TBL1Y: variants seen among roughly 807,000 people sequenced by gnomAD.
TBL1Y encodes transducin beta like 1 Y-linked, also known as F-box-like/WD repeat-containing protein TBL1Y.
Under a neutral mutation model 12.0 loss-of-function variants are expected in TBL1Y, and 15 were observed. The ratio of observed to expected loss-of-function variants is 1.25; its 90% CI spans 0.83 to 1.92. The LOEUF (loss-of-function observed/expected upper bound fraction) is 1.92, where lower values mean the gene tolerates loss of function less well. Among genes scored for constraint, TBL1Y ranks in the 40% most tolerant of loss-of-function variants. TBL1Y has a pLI of 0.00. For missense variants in TBL1Y, 148 were observed against 116.7 expected (o/e 1.27, Z -1.24); for synonymous variants, 53 against 42.6 (o/e 1.24, Z -0.95).
intron 3 of TBL1Y, among the ~76,000 whole-genome samples, chrY:6,991,549 C>A (rs2012363603): frequency 3.0e-5 from 1 of 32,994 alleles, no homozygotes; most frequent in South Asian, 7.1e-4. Context: ...TGAGTGGCAT[C>A]CTTAGAAAAG....
chrY:6,977,409 G>T, intron 2 of TBL1Y, among the ~76,000 whole-genome samples: 4 of 33,041 alleles, frequency 1.2e-4, no homozygotes, highest in African/African-American at 4.8e-4. Flanking sequence ...TTACCAATGT[G>T]GGCAATGTAG....
At chrY:6,972,733 G>A in intron 2 of TBL1Y, among the ~76,000 whole-genome samples, 3 of 33,139 alleles carry the variant, frequency 9.1e-5, no homozygotes, top group South Asian at 1.4e-3. Context: ...CAGCCCTTGT[G>A]GTCTGTCTCC....
chrY:7,058,282 T>A (rs2012836844), intron 7 of TBL1Y, among the ~76,000 whole-genome samples: 1 of 33,512 alleles, frequency 3.0e-5, no homozygotes, highest in Non-Finnish European at 7.4e-5. Flanking sequence ...ATTGGTAAAC[T>A]CTTGAAAATT....
intron 2 of TBL1Y, among the ~76,000 whole-genome samples, chrY:6,921,186 G>T (rs2011775097): frequency 3.1e-5 from 1 of 32,694 alleles, no homozygotes; most frequent in African/African-American, 1.2e-4. Flanking sequence ...GGGTGGTTGT[G>T]GTCAGCTGCT....
chrY:6,924,932 A>G, intron 2 of TBL1Y, among the ~76,000 whole-genome samples: 1 of 34,405 alleles, frequency 2.9e-5, no homozygotes, highest in Admixed American at 2.6e-4. Context: ...GAAAATGGCA[A>G]TTGCCAAGTT....
At chrY:7,050,464 A>G in intron 7 of TBL1Y, among the ~76,000 whole-genome samples, 1 of 19,232 alleles carries the variant, frequency 5.2e-5, no homozygotes, top group Non-Finnish European at 1.1e-4. Flanking sequence ...CACTACACTC[A>G]GCCTGGGCAA....
chrY:6,935,850 T>A, intron 2 of TBL1Y, among the ~76,000 whole-genome samples: 1 of 33,316 alleles, frequency 3.0e-5, no homozygotes, highest in African/African-American at 1.2e-4. Flanking sequence ...GTGCCATGAT[T>A]GTGCCACTGC....
At chrY:6,911,095 A>G in intron 1 of TBL1Y, 113 bp downstream of exon 1, 1 of 36,191 alleles carries the variant, frequency 2.8e-5, no homozygotes, top group Non-Finnish European at 6.8e-5. Context: ...TCCGCTCGCC[A>G]CGAACTCCTG....
At chrY:7,041,308 A>G (rs770808691) in intron 6 of TBL1Y, among the ~76,000 whole-genome samples, 2 of 33,854 alleles carry the variant, frequency 5.9e-5, no homozygotes, top group Non-Finnish European at 1.5e-4. Flanking sequence ...CATGAGAGTC[A>G]TGATGTCTAT....
chrY:6,981,033 T>C (rs2012278583), intron 3 of TBL1Y, among the ~76,000 whole-genome samples: 1 of 33,610 alleles, frequency 3.0e-5, no homozygotes, highest in Non-Finnish European at 7.3e-5. Flanking sequence ...AGAGGAACAA[T>C]TCAGACATTT....
chrY:6,939,930 G>A, intron 2 of TBL1Y, among the ~76,000 whole-genome samples: 1 of 29,069 alleles, frequency 3.4e-5, no homozygotes, highest in Admixed American at 3.3e-4. Flanking sequence ...TGCCTGCCTC[G>A]GCCTCCTGTG....
At chrY:6,987,312 T>C (rs2012327636) in intron 3 of TBL1Y, among the ~76,000 whole-genome samples, 1 of 30,772 alleles carries the variant, frequency 3.2e-5, no homozygotes, top group Non-Finnish European at 7.9e-5. Context: ...TTTTTTTTTT[T>C]TCTCTTTGAG....
rs776623238 is a variant in TBL1Y, at chrY:7,007,216, T to G, written c.-140+11318T>G. Among the ~76,000 whole-genome samples, 21 of 33,765 alleles carry G rather than the reference T, an allele frequency of 6.2e-4. No individual in the cohort carries two copies. The East Asian group carries it at 0.016, about 26-fold the overall frequency. The allele number at this position is 33,765 out of a possible 37,273, so 90.6% of individuals were successfully genotyped here. ...TTACTTTTGAGAACCAAGTAATCTG[T>G]TTCCATTTAAGAAGGCTACAGATAA... is the stretch of plus-strand genomic sequence containing the variant. On this transcript the variant is annotated intron_variant, in intron 4 of 18. Transcript: ENST00000383032.
At chrY:6,960,126 A>G (rs2012112478) in intron 2 of TBL1Y, among the ~76,000 whole-genome samples, 6 of 33,393 alleles carry the variant, frequency 1.8e-4, no homozygotes, top group Admixed American at 1.6e-3. Flanking sequence ...ATATGTCCAG[A>G]TGGAGAAGCC....
intron 7 of TBL1Y, among the ~76,000 whole-genome samples, chrY:7,062,782 A>C (rs998639693): frequency 1.2e-4 from 4 of 33,252 alleles, no homozygotes; most frequent in African/African-American, 4.8e-4. Context: ...CTTTTCTACT[A>C]CTGGAAGTTT....
intron 7 of TBL1Y, among the ~76,000 whole-genome samples, chrY:7,060,006 A>G: frequency 3.0e-5 from 1 of 33,229 alleles, no homozygotes; most frequent in African/African-American, 1.2e-4. Context: ...ATGCTTTAAG[A>G]AAAACCTGTT....
chrY:7,050,981 C>G (rs920132356), intron 7 of TBL1Y, among the ~76,000 whole-genome samples: 1 of 32,086 alleles, frequency 3.1e-5, no homozygotes, highest in African/African-American at 1.2e-4. Flanking sequence ...CTCAATTTAC[C>G]TGGGAGGCTA....
At chrY:7,064,601 C>G (rs2012958844) in intron 8 of TBL1Y, among the ~76,000 whole-genome samples, 1 of 33,796 alleles carries the variant, frequency 3.0e-5, no homozygotes, top group Non-Finnish European at 7.3e-5. Context: ...CCCAGAACAT[C>G]ATTCCCTGTT....
chrY:7,063,545 TAGGTAATCGGAATGAGTCAGGGTGGAGC>T (rs2012911956), intron 7 of TBL1Y, among the ~76,000 whole-genome samples: 1 of 31,067 alleles, frequency 3.2e-5, no homozygotes, highest in Non-Finnish European at 7.8e-5. Flanking sequence ...CAGGATGGAG[TAGGTAATCGGAATGAGTCAGGGTGGAGC>T]AGGTAATCTG....
Sources: allele counts gnomAD v4.1 joint callset (sites outside exome capture counted in the v4.1 genomes callset), GRCh38; gene constraint gnomAD v4.1.1; transcripts MANE v1.5; gene names NCBI Gene and HGNC (gene_info 2026-07-23, HGNC 2026-07-21).